Variants in TMC6 observed in about 807,000 individuals in gnomAD.
TMC6 encodes transmembrane channel-like protein 6.
In TMC6, 71 loss-of-function variants were observed where a neutral mutation model predicts 95.4. The observed-to-expected ratio is 0.74, with a 90% CI of 0.61 to 0.91. TMC6 has a LOEUF of 0.91. Among genes scored for constraint, TMC6 ranks in the 40% least tolerant of loss-of-function variants. TMC6 has a pLI of 0.00. For missense variants in TMC6, 1,074 were observed against 1,079.1 expected, an observed-to-expected ratio of 1.00 and a Z score of 0.07; for synonymous variants, 514 against 483.1, an observed-to-expected ratio of 1.06 and a Z score of -0.84.
At chr17:78,119,463 CCA>C (rs750665231) in intron 13 of TMC6, 71 bp from the exon 14 acceptor site, 235 of 1,466,630 alleles carry the variant, frequency 1.6e-4, no homozygotes, top group Non-Finnish European at 2.1e-4. Context: ...GTCCCCACAC[CCA>C]GAGGCACCCC....
chr17:78,127,428 A>G (rs1188856111), intron 1 of TMC6, among the ~76,000 whole-genome samples: 1 of 151,968 alleles, frequency 6.6e-6, no homozygotes, highest in Non-Finnish European at 1.5e-5. Context: ...CACAGAGGTC[A>G]CTCCATGCCA....
intron 14 of TMC6, 104 bp downstream of exon 14, chr17:78,119,193 C>G: frequency 2.0e-6 from 3 of 1,532,584 alleles, no homozygotes; most frequent in Non-Finnish European, 9.0e-7. Flanking sequence ...GGTCCATGGC[C>G]GGGCCTGGCT....
rs752434728 is a variant in TMC6 at position 78,123,983 on chromosome 17, C to T, written c.1082+6G>A. The stretch of plus-strand genomic sequence containing the variant: ...CGGAGCCTGGGTCATGAGGTGGAGG[C>T]ATTACCTGTACACCAGGGTGATGCA... On this transcript the variant is annotated splice_donor_region_variant and intron_variant, in intron 9 of 19. Transcript: ENST00000590602. The T allele has an allele frequency of 3.1e-6, 5 of 1,613,672 alleles. No individual in the cohort carries two copies. The Admixed American group carries it at 6.7e-5, about 22-fold the overall frequency.
Position 78,120,674 on chromosome 17 carries a change from A to G in TMC6, c.1694T>C (p.Leu565Pro). Residue 565 changes from leucine to proline, a missense_variant, in exon 13 of 20, where the codon CTT (leucine) becomes CCT (proline). Physicochemically the swap from Leu to Pro is moderately conservative, Grantham distance 98 (BLOSUM62 -3). Coordinates refer to ENST00000590602, the MANE Select transcript of TMC6 (RefSeq NM_001127198.5). ...MDFVLMLLDT[L>P]FGELVWRIIS... ...TCACCTCCACACCAGTTCCCCAAAA[A>G]GCGTGTCCAGCAACATGAGGACGAA... 6.2e-7 allele frequency: 1 copy of G among 1,613,990 alleles called. No homozygotes were observed.
chr17:78,132,267 C>A (rs972949015), upstream of TMC6: 5 of 1,511,844 alleles, frequency 3.3e-6, no homozygotes, highest in East Asian at 2.4e-5. Flanking sequence ...TGGCGGGCAC[C>A]CCACGCCGTC....
Position 78,124,190 on chromosome 17 carries a change from G to A in TMC6, c.892-11C>T. 6.2e-7 allele frequency: 1 copy of A among 1,610,994 alleles called. No homozygotes were observed. Among genetic ancestry groups the A allele is most frequent in the Non-Finnish European group, 8.5e-7 (1 of 1,179,656 alleles). ...GTGGGTGAAGCAACCCTGCCACAGG[G>A]AGATCCAGCCGAGTCAGGGACTTTC... On this transcript the variant is annotated splice_polypyrimidine_tract_variant and intron_variant, in intron 8 of 19. Transcript: ENST00000590602.
rs1465790933 is a variant in TMC6 at position 78,109,758 on chromosome 17, T to C, written c.*3390A>G. 3 of 346,114 alleles carry C rather than the reference T, an allele frequency of 8.7e-6. No homozygotes were observed. The highest frequency in any genetic ancestry group is 1.7e-5 in the Non-Finnish European group (3 of 173,884). 21.4% of individuals were successfully genotyped at this position (346,114 alleles called of 1,614,324 possible). A position where few individuals can be genotyped will look rare whatever the true frequency, so the allele number is the denominator to read the frequency against. On this transcript the variant is annotated 3_prime_UTR_variant, in exon 20 of 20. Transcript: ENST00000590602. ...TCAACCTTGGCCCATTAGAATTACC[T>C]GAAAATTTTTAAGATAATTCACATC...
chr17:78,117,425 C>T lies in TMC6; in HGVS notation c.2198+43G>A, dbSNP rs769689254. ...CAGTCCCCACACGGTGCAGGCCCAGCGAGGGCCATCTCCCCAGGGCCGCCC... is the reference window on the plus strand; with the variant it reads ...CAGTCCCCACACGGTGCAGGCCCAGTGAGGGCCATCTCCCCAGGGCCGCCC... On this transcript the variant is annotated intron_variant, in intron 17 of 19. Coordinates refer to ENST00000590602, the MANE Select transcript of TMC6 (RefSeq NM_001127198.5). 3.2e-5 allele frequency: 51 copies of T among 1,610,646 alleles called. No individual in the cohort carries two copies. The South Asian group carries it at 4.5e-4, about 14-fold the overall frequency.
chr17:78,119,038 AC>A lies in TMC6; in HGVS notation c.1819del (p.Val607CysfsTer42). 1.3e-6 allele frequency: 2 copies of A among 1,593,108 alleles called. No individual in the cohort carries two copies. The highest frequency in any genetic ancestry group is 1.7e-6 in the Non-Finnish European group (2 of 1,170,180). On this transcript the variant is annotated frameshift_variant, in exon 15 of 20. Coordinates refer to ENST00000590602, the MANE Select transcript of TMC6 (RefSeq NM_001127198.5). LOFTEE classifies it high-confidence loss of function. ...IYGQTLTWLG[V>X]LFSPLLPAVQ... ...GGCGGGGAGGAGGGGCGAGAAGAGC[AC>A]CCCCAGCCTGGGGAGGGGGTGGCAG...
intron 7 of TMC6, 48 bp downstream of exon 7, chr17:78,124,841 C>T (rs993864266): frequency 6.3e-7 from 1 of 1,578,240 alleles, no homozygotes; most frequent in African/African-American, 1.3e-5. Context: ...GAGGCCACCC[C>T]AGCCCTGCCC....
At chr17:78,119,242 G>T in intron 14 of TMC6, 55 bp downstream of exon 14, 2 of 1,603,042 alleles carry the variant, frequency 1.2e-6, no homozygotes, top group South Asian at 1.1e-5. Flanking sequence ...CCCCCGGGGG[G>T]AAAGGGGCAC....
At position 78,126,665 on chromosome 17, in the gene TMC6, C is replaced by A. The variant is rs369674592; in HGVS notation, c.57-17G>T. 1 of 1,611,860 alleles carries A rather than the reference C, an allele frequency of 6.2e-7. No individual in the cohort carries two copies. Among genetic ancestry groups the A allele is most frequent in the African/African-American group, 1.3e-5 (1 of 74,858 alleles). On this transcript the variant is annotated splice_polypyrimidine_tract_variant and intron_variant, in intron 2 of 19. Transcript: ENST00000590602. ...GGGCCCTGGCTGCAGAGGGGGTTGGCGGGGGGGTCAGGCTCCAGCCACCTC... is the reference window on the plus strand; with the variant it reads ...GGGCCCTGGCTGCAGAGGGGGTTGGAGGGGGGGTCAGGCTCCAGCCACCTC...
Position 78,113,215 on chromosome 17 carries a change from C to T in TMC6, c.2355-4G>A, listed in dbSNP as rs79153946. 26,405 of 1,552,758 alleles carry T rather than the reference C, an allele frequency of 0.017. 266 individuals are homozygous for T. Among genetic ancestry groups the T allele is most frequent in the Non-Finnish European group, 0.02 (23,336 of 1,147,034 alleles). ...AGCCTCCTCGGTTGTCCCAACCCTG[C>T]CAGAAAGAGACATCACTGAGGGGAC... On this transcript the variant is annotated splice_region_variant and splice_polypyrimidine_tract_variant and intron_variant, in intron 19 of 19. Coordinates refer to ENST00000590602, the MANE Select transcript of TMC6 (RefSeq NM_001127198.5).
At chr17:78,131,965 G>A (rs955978383), upstream of TMC6, 3 of 1,520,814 alleles carry the variant, frequency 2.0e-6, no homozygotes, top group African/African-American at 2.8e-5. Flanking sequence ...AGGCGCCTGC[G>A]GGAGGCAGCG....
intron 18 of TMC6, among the ~76,000 whole-genome samples, chr17:78,116,441 T>C (rs779118393): frequency 1.6e-4 from 25 of 151,948 alleles, no homozygotes; most frequent in Non-Finnish European, 3.2e-4. Context: ...CCCAGCTAAC[T>C]TTTAAAATTT....
At chr17:78,127,472 A>G (rs2074780834) in intron 1 of TMC6, among the ~76,000 whole-genome samples, 1 of 152,194 alleles carries the variant, frequency 6.6e-6, no homozygotes, top group African/African-American at 2.4e-5. Flanking sequence ...TCATGTTCTC[A>G]GAAGACCCAC....
rs924133060 is a variant in TMC6 at position 78,124,799 on chromosome 17, G to C, written c.634-18C>G. On this transcript the variant is annotated intron_variant, in intron 7 of 19. Transcript: ENST00000590602. ...TGCAAGGCCTGCGGGCACAGGCAGA[G>C]AGGCCCTGAGGGTGAGGCCGGAGGA... The C allele has an allele frequency of 2.5e-6, 4 of 1,578,648 alleles. No homozygotes were observed. The African/African-American group carries it at 5.4e-5, about 21-fold the overall frequency.
intron 2 of TMC6, 29 bp from the exon 3 acceptor site, chr17:78,126,677 G>C: frequency 6.2e-7 from 1 of 1,612,306 alleles, no homozygotes; most frequent in Non-Finnish European, 8.5e-7. Context: ...GGGGGGTCAG[G>C]CTCCAGCCAC....
chr17:78,127,254 CAG>C (rs1279479867), intron 1 of TMC6, among the ~76,000 whole-genome samples: 1 of 152,168 alleles, frequency 6.6e-6, no homozygotes, highest in Non-Finnish European at 1.5e-5. Context: ...GGTTCTGGCA[CAG>C]AGACACCTCC....
Sources: gnomAD v4.1 joint callset for allele counts (sites outside exome capture counted in the v4.1 genomes callset) on GRCh38, gnomAD v4.1.1 for gene constraint, MANE v1.5 for transcripts, NCBI Gene and HGNC (gene_info 2026-07-23, HGNC 2026-07-21) for gene names.